Variants in PDSS2 observed in about 807,000 individuals in gnomAD.
PDSS2 encodes decaprenyl diphosphate synthase subunit 2.
Under a neutral mutation model 44.5 loss-of-function variants are expected in PDSS2, and 31 were observed. The ratio of observed to expected loss-of-function variants is 0.70; its 90% CI spans 0.52 to 0.94. The LOEUF is 0.94. Among genes scored for constraint, PDSS2 ranks in the 40% least tolerant of loss-of-function variants. The pLI, the probability that PDSS2 is intolerant of heterozygous loss-of-function variation, is 0.00. For missense variants in PDSS2, 452 were observed against 482.2 expected (o/e 0.94, Z 0.59); for synonymous variants, 157 against 180.3 (o/e 0.87, Z 1.03).
intron 2 of PDSS2, among the ~76,000 whole-genome samples, chr6:107,315,200 G>T (rs1291136222): frequency 6.6e-6 from 1 of 152,102 alleles, no homozygotes; most frequent in Non-Finnish European, 1.5e-5. Flanking sequence ...AATAGAATTT[G>T]CAGATATAAC....
chr6:107,328,478 G>A (rs1016165545), intron 2 of PDSS2, among the ~76,000 whole-genome samples: 2 of 151,972 alleles, frequency 1.3e-5, no homozygotes, highest in Non-Finnish European at 2.9e-5. Context: ...GTTTCACCAC[G>A]TTGGCCAGGC....
intron 1 of PDSS2, among the ~76,000 whole-genome samples, chr6:107,358,674 G>A (rs1252645071): frequency 6.6e-6 from 1 of 152,070 alleles, no homozygotes; most frequent in Non-Finnish European, 1.5e-5. Flanking sequence ...TAAAAATATG[G>A]CAACATTTTA....
At chr6:107,177,550 C>T (rs989349177) in intron 7 of PDSS2, among the ~76,000 whole-genome samples, 12 of 152,234 alleles carry the variant, frequency 7.9e-5, no homozygotes, top group African/African-American at 2.9e-4. Context: ...GCAATCACTG[C>T]CTCTTGGTTG....
intron 4 of PDSS2, among the ~76,000 whole-genome samples, 153 bp downstream of exon 4, chr6:107,245,395 G>T (rs1774572994): frequency 1.9e-5 from 2 of 104,188 alleles, no homozygotes; most frequent in African/African-American, 7.5e-5. Context: ...GTATGGCCAT[G>T]AATTTGTAGC....
chr6:107,389,738 T>G (rs991856908), intron 1 of PDSS2, among the ~76,000 whole-genome samples: 3 of 152,144 alleles, frequency 2.0e-5, no homozygotes, highest in Non-Finnish European at 4.4e-5. Flanking sequence ...GGAGAGGGCC[T>G]AGGAATAGGA....
chr6:107,227,278 C>CTTTTTTTT (rs60988844), intron 4 of PDSS2, among the ~76,000 whole-genome samples: 23 of 102,804 alleles, frequency 2.2e-4, no homozygotes, highest in Non-Finnish European at 2.5e-4. Flanking sequence ...CCACTGTGCC[C>CTTTTTTTT]TTTTTTTTTT....
At chr6:107,311,391 C>G (rs1399383441) in intron 2 of PDSS2, among the ~76,000 whole-genome samples, 2 of 151,642 alleles carry the variant, frequency 1.3e-5, no homozygotes, top group African/African-American at 2.4e-5. Context: ...TTTTTTTGTA[C>G]AGATGGGGGT....
chr6:107,209,579 TTTTA>T (rs780341415), intron 6 of PDSS2, among the ~76,000 whole-genome samples: 44 of 151,690 alleles, frequency 2.9e-4, no homozygotes, highest in African/African-American at 9.9e-4. Flanking sequence ...TTTTTTTTTT[TTTTA>T]AATTTCAAAA....
chr6:107,282,328 T>G (rs748454911), intron 2 of PDSS2, among the ~76,000 whole-genome samples: 1 of 152,216 alleles, frequency 6.6e-6, no homozygotes, highest in African/African-American at 2.4e-5. Flanking sequence ...AGAGGTCAGT[T>G]AGTCTCTATG....
At chr6:107,239,102 C>A (rs1238066225) in intron 4 of PDSS2, among the ~76,000 whole-genome samples, 3 of 151,918 alleles carry the variant, frequency 2.0e-5, no homozygotes, top group Non-Finnish European at 4.4e-5. Context: ...CATGGTGAAA[C>A]CCCATCTCTA....
chr6:107,336,336 T>G (rs1777893507), intron 1 of PDSS2, among the ~76,000 whole-genome samples: 1 of 151,622 alleles, frequency 6.6e-6, no homozygotes, highest in Non-Finnish European at 1.5e-5. Context: ...CCCTTTTACC[T>G]TTCATTAGTT....
intron 2 of PDSS2, among the ~76,000 whole-genome samples, chr6:107,276,565 G>A (rs924488136): frequency 2.0e-5 from 3 of 152,180 alleles, no homozygotes; most frequent in African/African-American, 7.2e-5. Flanking sequence ...GATGAGACTG[G>A]GGTCTTGGGA....
chr6:107,316,351 A>G (rs995758006), intron 2 of PDSS2, among the ~76,000 whole-genome samples: 2 of 152,184 alleles, frequency 1.3e-5, no homozygotes, highest in East Asian at 3.8e-4. Flanking sequence ...TCTGTAAAAT[A>G]TAATAAACTT....
chr6:107,426,897 A>G (rs1233537547), intron 1 of PDSS2, among the ~76,000 whole-genome samples: 2 of 152,096 alleles, frequency 1.3e-5, no homozygotes, highest in African/African-American at 4.8e-5. Context: ...TTGATTTTAC[A>G]GGTTCATAGA....
At chr6:107,323,805 A>G (rs558020376) in intron 2 of PDSS2, among the ~76,000 whole-genome samples, 1 of 152,336 alleles carries the variant, frequency 6.6e-6, no homozygotes, top group East Asian at 1.9e-4. Flanking sequence ...GTCAACATAC[A>G]GCCCTTCTTT....
chr6:107,453,240 C>A (rs1362959416), intron 1 of PDSS2, among the ~76,000 whole-genome samples: 2 of 152,104 alleles, frequency 1.3e-5, no homozygotes, highest in Non-Finnish European at 2.9e-5. Context: ...GCTGGGAATT[C>A]AGGCATGAGC....
intron 1 of PDSS2, among the ~76,000 whole-genome samples, chr6:107,358,280 C>A (rs577213256): frequency 6.6e-6 from 1 of 152,116 alleles, no homozygotes; most frequent in East Asian, 1.9e-4. Context: ...TTGCAAAACT[C>A]AAAAAAATCC....
chr6:107,157,773 C>T (rs1388789181), intron 7 of PDSS2, among the ~76,000 whole-genome samples: 2 of 151,054 alleles, frequency 1.3e-5, no homozygotes, highest in African/African-American at 2.4e-5. Flanking sequence ...CAGGTTCAGG[C>T]GATTCTCCTG....
At chr6:107,156,111 G>A (rs1483812395) in intron 7 of PDSS2, among the ~76,000 whole-genome samples, 6 of 150,862 alleles carry the variant, frequency 4.0e-5, no homozygotes. Context: ...GCTGGTCTCC[G>A]TCTCCAGACC....
Sources: allele counts gnomAD v4.1 joint callset (sites outside exome capture counted in the v4.1 genomes callset), GRCh38; gene constraint gnomAD v4.1.1; transcripts MANE v1.5; gene names NCBI Gene and HGNC (gene_info 2026-07-23, HGNC 2026-07-21).